Variants in GABBR2 observed in about 807,000 individuals in gnomAD.
GABBR2 encodes G-protein coupled receptor 51.
A neutral mutation model predicts 105.6 loss-of-function variants in GABBR2; 23 were observed. The observed-to-expected ratio is 0.22, with a 90% CI of 0.16 to 0.31. The LOEUF (loss-of-function observed/expected upper bound fraction) is 0.31. Among genes scored for constraint, GABBR2 ranks in the 10% least tolerant of loss-of-function variants. GABBR2 has a pLI of 1.00. For missense variants in GABBR2, 734 were observed against 1,245.5 expected (o/e 0.59, Z 6.18); for synonymous variants, 478 against 499.7 (o/e 0.96, Z 0.58).
At chr9:98,409,071 C>T (rs998335733) in intron 7 of GABBR2, among the ~76,000 whole-genome samples, 9 of 152,336 alleles carry the variant, frequency 5.9e-5, no homozygotes, top group African/African-American at 2.2e-4. Flanking sequence ...GGGCCAAGTC[C>T]CTCAGGTGGG....
At chr9:98,350,902 T>A (rs75062236) in intron 13 of GABBR2, among the ~76,000 whole-genome samples, 1 of 152,224 alleles carries the variant, frequency 6.6e-6, no homozygotes, top group Non-Finnish European at 1.5e-5. Flanking sequence ...TAATTTTTTT[T>A]ATATATCTGG....
chr9:98,325,415 C>G (rs576207875), intron 13 of GABBR2, among the ~76,000 whole-genome samples: 77 of 151,154 alleles, frequency 5.1e-4, no homozygotes, highest in Non-Finnish European at 7.8e-4. Context: ...CCTCAGCCTC[C>G]TGAGTAGCTG....
Position 98,288,861 on chromosome 9 carries a change from C to T in GABBR2, c.*1723G>A, listed in dbSNP as rs1472389019. 1 of 152,586 alleles carries T rather than the reference C, an allele frequency of 6.6e-6. No homozygotes were observed. 9.5% of individuals were successfully genotyped at this position (152,586 alleles called of 1,614,324 possible). A position where few individuals can be genotyped will look rare whatever the true frequency, so the allele number is the denominator to read the frequency against. ...GGCATTGGTAAGATTCCTGTGGGCC[C>T]TTTTGTCAAAGCCTGGTGGAGAAAA... On this transcript the variant is annotated 3_prime_UTR_variant, in exon 19 of 19. Coordinates refer to ENST00000259455, the MANE Select transcript of GABBR2 (RefSeq NM_005458.8).
At chr9:98,390,627 G>A (rs1225897969) in intron 9 of GABBR2, among the ~76,000 whole-genome samples, 1 of 151,794 alleles carries the variant, frequency 6.6e-6, no homozygotes, top group African/African-American at 2.4e-5. Context: ...CTTGCTTCCA[G>A]ATGGTGAAAG....
chr9:98,562,621 A>G (rs887638832), intron 2 of GABBR2, among the ~76,000 whole-genome samples: 3 of 152,198 alleles, frequency 2.0e-5, no homozygotes, highest in African/African-American at 7.2e-5. Context: ...GAAAGAGAGG[A>G]AAAGCAAAAA....
intron 2 of GABBR2, among the ~76,000 whole-genome samples, chr9:98,544,664 C>T (rs534387296): frequency 9.9e-4 from 150 of 152,230 alleles, no homozygotes; most frequent in African/African-American, 3.5e-3. Flanking sequence ...TGGACCACAA[C>T]CTAGTGAGAA....
At chr9:98,586,287 T>TC (rs202015991) in intron 1 of GABBR2, among the ~76,000 whole-genome samples, 3,043 of 121,330 alleles carry the variant, frequency 0.025, 53 homozygotes, top group Middle Eastern at 0.085. Flanking sequence ...TTTCTTTCTT[T>TC]TTTTTTTTTT....
At position 98,546,995 on chromosome 9, in the gene GABBR2, A is replaced by G. The variant is rs182661705; in HGVS notation, c.460-4952T>C. On this transcript the variant is annotated intron_variant, in intron 2 of 18. Transcript: ENST00000259455. ...GACACACGGCAGAATTTGGCTGGGC[A>G]TGAAATTCTTGGGCTACCATTTCTC... is the stretch of plus-strand genomic sequence containing the variant. 1.7e-5 allele frequency among the ~76,000 whole-genome samples: 2 copies of G among 120,982 alleles called. 1 individual carries two copies. Among genetic ancestry groups the G allele is most frequent in the Non-Finnish European group, 3.7e-5 (2 of 54,012 alleles). The allele number at this position is 120,982 out of a possible 152,430, so 79.4% of individuals were successfully genotyped here. A position where few individuals can be genotyped will look rare whatever the true frequency, so the allele number is the denominator to read the frequency against.
intron 2 of GABBR2, among the ~76,000 whole-genome samples, chr9:98,569,537 A>G (rs1049194217): frequency 1.1e-4 from 16 of 152,204 alleles, no homozygotes; most frequent in African/African-American, 3.6e-4. Flanking sequence ...TCCCTTGGAG[A>G]AAAAACAACT....
At chr9:98,433,508 C>T (rs539545361) in intron 7 of GABBR2, among the ~76,000 whole-genome samples, 7 of 152,186 alleles carry the variant, frequency 4.6e-5, no homozygotes, top group African/African-American at 1.7e-4. Flanking sequence ...TAGCCTCTAC[C>T]TTATGTTAGG....
intron 10 of GABBR2, 45 bp from the exon 11 acceptor site, chr9:98,385,817 A>C (rs1286621548): frequency 7.2e-6 from 11 of 1,518,056 alleles, no homozygotes; most frequent in Non-Finnish European, 1.0e-5. Flanking sequence ...TGGTTAATTT[A>C]GTTATTCCTT....
At chr9:98,572,503 C>T (rs1828846321) in intron 2 of GABBR2, among the ~76,000 whole-genome samples, 1 of 152,146 alleles carries the variant, frequency 6.6e-6, no homozygotes, top group Non-Finnish European at 1.5e-5. Flanking sequence ...GTTTTGAAGC[C>T]CAGTCTTGAG....
At chr9:98,584,041 T>C (rs1829037145) in intron 1 of GABBR2, among the ~76,000 whole-genome samples, 1 of 152,196 alleles carries the variant, frequency 6.6e-6, no homozygotes, top group Admixed American at 6.5e-5. Context: ...TTCTGTGATT[T>C]GGTTTTTGAT....
chr9:98,426,125 A>C (rs1384420786), intron 7 of GABBR2, among the ~76,000 whole-genome samples: 2 of 152,172 alleles, frequency 1.3e-5, no homozygotes, highest in Admixed American at 6.5e-5. Flanking sequence ...CAGGCTAAGA[A>C]GTGTAGACAC....
chr9:98,625,016 C>T (rs1205559569), intron 1 of GABBR2, among the ~76,000 whole-genome samples: 2 of 152,144 alleles, frequency 1.3e-5, no homozygotes, highest in African/African-American at 2.4e-5. Flanking sequence ...TCCTCCCAGC[C>T]TCCAGAGGCT....
chr9:98,481,053 G>C (rs375870538), intron 4 of GABBR2, 56 bp from the exon 5 acceptor site: 1 of 1,061,510 alleles, frequency 9.4e-7, no homozygotes, highest in South Asian at 1.3e-5. Context: ...CCCCATAAAG[G>C]GTTCAAGGCT....
rs2131496525 is a variant in GABBR2, at chr9:98,389,051, C to G, written c.1379-47G>C. The G allele has an allele frequency of 1.9e-6, 3 of 1,543,878 alleles. No homozygotes were observed. The South Asian group carries it at 3.5e-5, about 18-fold the overall frequency. On this transcript the variant is annotated intron_variant, in intron 9 of 18. Coordinates refer to ENST00000259455, the MANE Select transcript of GABBR2 (RefSeq NM_005458.8). ...TCAGTGGGACCCAATGCAAGTCATT[C>G]CCCGAGAACACCTTTGCCTTAGTGT...
chr9:98,358,670 G>A (rs1413925079), intron 13 of GABBR2, among the ~76,000 whole-genome samples: 1 of 152,200 alleles, frequency 6.6e-6, no homozygotes, highest in African/African-American at 2.4e-5. Flanking sequence ...GAGTGAGGCT[G>A]GAATCACTTT....
At chr9:98,419,762 T>A (rs545856153) in intron 7 of GABBR2, among the ~76,000 whole-genome samples, 1 of 152,190 alleles carries the variant, frequency 6.6e-6, no homozygotes, top group East Asian at 1.9e-4. Flanking sequence ...TGTGTCTTGT[T>A]TTGTATGGGT....
Sources: allele counts gnomAD v4.1 joint callset (sites outside exome capture counted in the v4.1 genomes callset), GRCh38; gene constraint gnomAD v4.1.1; transcripts MANE v1.5; gene names NCBI Gene and HGNC (gene_info 2026-07-23, HGNC 2026-07-21).